Variants in CLPTM1L observed in about 807,000 individuals in gnomAD.
CLPTM1L encodes the protein lipid scramblase CLPTM1L.
In CLPTM1L, 38 loss-of-function variants were observed where a neutral mutation model predicts 70.9. That is an observed-to-expected ratio of 0.54 (90% CI 0.41 to 0.70). The LOEUF (loss-of-function observed/expected upper bound fraction) is 0.70. CLPTM1L is among the 30% of genes least tolerant of loss of function. The pLI is 0.00. For synonymous variants in CLPTM1L, 339 were observed against 299.9 expected (o/e 1.13, Z -1.35); for missense variants, 652 against 705.9 (o/e 0.92, Z 0.87).
intron 8 of CLPTM1L, chr5:1,331,004 T>C (rs1753052700): frequency 6.5e-6 from 1 of 152,692 alleles, no homozygotes; most frequent in Non-Finnish European, 1.5e-5. Flanking sequence ...GTCTTTTCCA[T>C]GCGAGAAAAA....
In CLPTM1L at chr5:1,332,623, CTTGCT is replaced by C. The variant is rs1008671707; in HGVS notation, c.892-745_892-741del. On this transcript the variant is annotated intron_variant, in intron 7 of 16. Coordinates refer to ENST00000320895, the MANE Select transcript of CLPTM1L (RefSeq NM_030782.5). ...CGAACAACAGTAAGAGCACAGCAGC[CTTGCT>C]TTACCCATGGTTTACTGTCCATGGT... is the stretch of plus-strand genomic sequence containing the variant. Among the ~76,000 whole-genome samples, 6 of 152,202 alleles carry C rather than the reference CTTGCT, an allele frequency of 3.9e-5. 1 individual carries two copies. The highest frequency in any genetic ancestry group is 1.4e-4 in the African/African-American group (6 of 41,454).
intron 8 of CLPTM1L, 189 bp downstream of exon 8, chr5:1,331,610 G>A: frequency 1.6e-6 from 1 of 606,880 alleles, no homozygotes; most frequent in Non-Finnish European, 2.9e-6. Context: ...AGCCTCTGAT[G>A]GTCCCACCAC....
intron 6 of CLPTM1L, 62 bp downstream of exon 6, chr5:1,334,995 C>T (rs539945068): frequency 1.5e-6 from 2 of 1,334,412 alleles, no homozygotes; most frequent in Non-Finnish European, 2.1e-6. Flanking sequence ...AGGATTCGCA[C>T]TTGGATGCCC....
intron 7 of CLPTM1L, 166 bp from the exon 8 acceptor site, chr5:1,332,049 C>T: frequency 1.6e-6 from 1 of 628,820 alleles, no homozygotes; most frequent in Non-Finnish European, 2.8e-6. Flanking sequence ...ACGCGCCTGG[C>T]CTGCCATGTC....
intron 10 of CLPTM1L, 28 bp downstream of exon 10, chr5:1,325,723 G>A (rs762378671): frequency 4.3e-5 from 68 of 1,594,262 alleles, no homozygotes; most frequent in Non-Finnish European, 5.9e-5. Context: ...GAGAGGCTTG[G>A]GGTTCAGCCA....
intron 6 of CLPTM1L, 65 bp from the exon 7 acceptor site, chr5:1,334,448 T>C: frequency 2.5e-6 from 3 of 1,186,928 alleles, no homozygotes; most frequent in Non-Finnish European, 3.7e-6. Flanking sequence ...ACATTACAAA[T>C]ACAGTTTTCA....
At chr5:1,326,230 C>T in intron 9 of CLPTM1L, 2 of 250,324 alleles carry the variant, frequency 8.0e-6, no homozygotes, top group Admixed American at 5.2e-5. Context: ...AGGACGGGTG[C>T]CAGAGCCGGG....
chr5:1,340,530 T>A (rs1428889655), intron 3 of CLPTM1L, among the ~76,000 whole-genome samples: 1 of 152,194 alleles, frequency 6.6e-6, no homozygotes, highest in Admixed American at 6.5e-5. Flanking sequence ...AAGGGAGGCT[T>A]CCTGCGCTAC....
chr5:1,330,706 A>C, intron 8 of CLPTM1L: 1 of 342,416 alleles, frequency 2.9e-6, no homozygotes, highest in Non-Finnish European at 5.4e-6. Flanking sequence ...GGCGTGTCTT[A>C]TGCCAGTTCT....
At position 1,342,799 on chromosome 5, in the gene CLPTM1L, G is replaced by A. The variant is rs889627198; in HGVS notation, c.264-939C>T. On this transcript the variant is annotated intron_variant, in intron 2 of 16. Transcript: ENST00000320895. The surrounding 1 kb of genome is among the most constrained non-coding windows in gnomAD (Gnocchi z 4.3). ...AGATGGGGTTTTGTCACATTGCCTAGGCTGGTCTTGAACTGCTGGGCTCAA... is the reference window on the plus strand; with the variant it reads ...AGATGGGGTTTTGTCACATTGCCTAAGCTGGTCTTGAACTGCTGGGCTCAA... 6.6e-6 allele frequency among the ~76,000 whole-genome samples: 1 copy of A among 152,200 alleles called. No individual in the cohort carries two copies. Among genetic ancestry groups the A allele is most frequent in the Non-Finnish European group, 1.5e-5 (1 of 68,028 alleles).
chr5:1,323,108 C>A (rs978212898), intron 12 of CLPTM1L, among the ~76,000 whole-genome samples, 197 bp from the exon 13 acceptor site: 1 of 152,122 alleles, frequency 6.6e-6, no homozygotes, highest in African/African-American at 2.4e-5. Context: ...GGCCGGGCAG[C>A]AGAGGCCGGG....
At chr5:1,341,484 T>A (rs576143278) in intron 3 of CLPTM1L, among the ~76,000 whole-genome samples, 187 bp downstream of exon 3, 38 of 152,328 alleles carry the variant, frequency 2.5e-4, no homozygotes, top group African/African-American at 8.4e-4. Context: ...ATAAAACTTG[T>A]CTGCAAACTC....
At chr5:1,337,679 A>G (rs771111467) in intron 5 of CLPTM1L, among the ~76,000 whole-genome samples, 9 of 152,236 alleles carry the variant, frequency 5.9e-5, no homozygotes, top group Non-Finnish European at 1.2e-4. Context: ...GACAGTCCAG[A>G]GGCTCAGCAG....
In CLPTM1L at chr5:1,334,230, G is replaced by GC. The variant is rs901284724; in HGVS notation, c.891+58dup. On this transcript the variant is annotated intron_variant, in intron 7 of 16. Coordinates refer to ENST00000320895, the MANE Select transcript of CLPTM1L (RefSeq NM_030782.5). ...CCCAGGTCCAGGACCCCTGCAGGAG[G>GC]CCCGGGGCCCAGGGAGCCCCCCAAG... is the stretch of plus-strand genomic sequence containing the variant. 8 of 1,278,970 alleles carry GC rather than the reference G, an allele frequency of 6.3e-6. No individual in the cohort carries two copies. In the African/African-American group the frequency reaches 1.0e-4, roughly 17 times the overall value. The allele number at this position is 1,278,970 out of a possible 1,614,324, so 79.2% of individuals were successfully genotyped here.
At chr5:1,336,560 C>G (rs1753589534) in intron 5 of CLPTM1L, among the ~76,000 whole-genome samples, 2 of 152,244 alleles carry the variant, frequency 1.3e-5, no homozygotes, top group South Asian at 4.1e-4. Context: ...GAGGTGACCA[C>G]GAGCTGGTGC....
chr5:1,331,591 G>A (rs1025375893), intron 8 of CLPTM1L: 1 of 572,726 alleles, frequency 1.7e-6, no homozygotes, highest in Non-Finnish European at 3.1e-6. Flanking sequence ...TGGAGGCCCT[G>A]AGCCGTGCAG....
In CLPTM1L at chr5:1,318,669, A is replaced by C. The variant is rs554070111; in HGVS notation, c.1533-216T>G. On this transcript the variant is annotated intron_variant, in intron 16 of 16. Coordinates refer to ENST00000320895, the MANE Select transcript of CLPTM1L (RefSeq NM_030782.5). The surrounding 1 kb of genome is among the most constrained non-coding windows in gnomAD (Gnocchi z 8.9). ...TGGCCAGGCCAGCGTGCTGCTCTCA[A>C]GGAAAGGGAAGCTTGGCCGAAGGGA... Among the ~76,000 whole-genome samples, 243 of 152,274 alleles carry C rather than the reference A, an allele frequency of 1.6e-3. No homozygotes were observed. Among genetic ancestry groups the C allele is most frequent in the Middle Eastern group, 6.8e-3 (2 of 294 alleles).
intron 16 of CLPTM1L, among the ~76,000 whole-genome samples, chr5:1,320,030 C>T (rs1032104018): frequency 1.3e-5 from 2 of 152,142 alleles, no homozygotes; most frequent in Non-Finnish European, 2.9e-5. Flanking sequence ...TGGAAAATTC[C>T]GAGGCCCGGG....
At position 1,318,779 on chromosome 5, in the gene CLPTM1L, G is replaced by A. The variant is rs762318044; in HGVS notation, c.1533-326C>T. ...TGCCTTCTGGGAACGGTGGCATCAC[G>A]GAGACTCGAGTGATCAGAACAGGAA... On this transcript the variant is annotated intron_variant, in intron 16 of 16. Transcript: ENST00000320895. This position sits in a 1 kb window ranked among gnomAD's most constrained non-coding sequence, Gnocchi z 8.9. Among the ~76,000 whole-genome samples the A allele has an allele frequency of 6.6e-6, 1 of 152,156 alleles. No individual in the cohort carries two copies. Among genetic ancestry groups the A allele is most frequent in the Non-Finnish European group, 1.5e-5 (1 of 68,030 alleles).
Sources: allele counts gnomAD v4.1 joint callset (sites outside exome capture counted in the v4.1 genomes callset), GRCh38; gene constraint gnomAD v4.1.1; non-coding constraint Gnocchi (gnomAD v3.1); transcripts MANE v1.5; gene names NCBI Gene and HGNC (gene_info 2026-07-23, HGNC 2026-07-21).